CENPP: variants seen among roughly 807,000 people sequenced by gnomAD.
The protein encoded by CENPP is centromere protein P.
Under a neutral mutation model 35.6 loss-of-function variants are expected in CENPP, and 24 were observed. That is an observed-to-expected ratio of 0.67 (90% CI 0.49 to 0.95). CENPP has a LOEUF of 0.95. Ranked by LOEUF, CENPP falls within the 40% of genes least tolerant of loss-of-function variation. The pLI, the probability that CENPP is intolerant of heterozygous loss-of-function variation, is 0.00. For synonymous variants in CENPP, 120 were observed against 125.5 expected (o/e 0.96, Z 0.29); for missense variants, 332 against 345.3 (o/e 0.96, Z 0.31).
At position 92,432,979 on chromosome 9, in the gene CENPP, T is replaced by C. The variant is rs1407197537; in HGVS notation, c.564+53120T>C. Among the ~76,000 whole-genome samples, 4 of 152,332 alleles carry C rather than the reference T, an allele frequency of 2.6e-5. No individual in the cohort carries two copies. The East Asian group carries it at 7.7e-4, about 29-fold the overall frequency. ...AATTTTGGATTTGAATCTTTCATGG[T>C]ATTGATTTATTTTTTCTTCTTTGAC... On this transcript the variant is annotated intron_variant, in intron 5 of 7. Transcript: ENST00000375587.
At chr9:92,438,379 C>T (rs1418851671) in intron 5 of CENPP, among the ~76,000 whole-genome samples, 3 of 152,120 alleles carry the variant, frequency 2.0e-5, no homozygotes, top group African/African-American at 7.2e-5. Context: ...ATTAGTTAAC[C>T]ATAAATGTGC....
At position 92,400,395 on chromosome 9, in the gene CENPP, C is replaced by T. The variant is rs188845385; in HGVS notation, c.564+20536C>T. On this transcript the variant is annotated intron_variant, in intron 5 of 7. Transcript: ENST00000375587. ...TGAACTCCTGACCTCGTGATCCACCCGCCTCAGCCTCCCAAAGTACTGGGA... is the reference window on the plus strand; with the variant it reads ...TGAACTCCTGACCTCGTGATCCACCTGCCTCAGCCTCCCAAAGTACTGGGA... Among the ~76,000 whole-genome samples, 615 of 152,234 alleles carry T rather than the reference C, an allele frequency of 4.0e-3. 2 individuals carry two copies. The highest frequency in any genetic ancestry group is 6.7e-3 in the Admixed American group (103 of 15,284).
chr9:92,487,578 T>G (rs935876217), intron 5 of CENPP, among the ~76,000 whole-genome samples: 1 of 152,162 alleles, frequency 6.6e-6, no homozygotes, highest in Non-Finnish European at 1.5e-5. Context: ...ACCTCCAATA[T>G]AATAATTGAT....
chr9:92,355,505 C>G (rs1841567495), intron 4 of CENPP, among the ~76,000 whole-genome samples: 1 of 152,072 alleles, frequency 6.6e-6, no homozygotes, highest in African/African-American at 2.4e-5. Flanking sequence ...TGGAAGGTTT[C>G]TTTTTGAAGG....
intron 5 of CENPP, among the ~76,000 whole-genome samples, chr9:92,488,516 A>G (rs1846112059): frequency 6.6e-6 from 1 of 152,228 alleles, no homozygotes; most frequent in South Asian, 2.1e-4. Context: ...AGGATCCATT[A>G]TAGCTTTCAC....
chr9:92,393,247 A>G, intron 5 of CENPP: 3 of 1,562,324 alleles, frequency 1.9e-6, no homozygotes, highest in East Asian at 2.3e-5. Context: ...GGGCATTTCT[A>G]AATTGGGAAT....
chr9:92,542,917 T>G (rs552975876), intron 5 of CENPP, among the ~76,000 whole-genome samples: 2 of 152,378 alleles, frequency 1.3e-5, no homozygotes, highest in South Asian at 4.1e-4. Flanking sequence ...GGATCTAACT[T>G]CATTCTTTTA....
intron 5 of CENPP, among the ~76,000 whole-genome samples, chr9:92,448,130 G>A (rs572128572): frequency 6.6e-6 from 1 of 152,246 alleles, no homozygotes; most frequent in South Asian, 2.1e-4. Flanking sequence ...ACCACCCAAG[G>A]GTTTCTTCCA....
At chr9:92,583,382 A>C (rs865808736) in intron 5 of CENPP, among the ~76,000 whole-genome samples, 7 of 152,184 alleles carry the variant, frequency 4.6e-5, no homozygotes, top group Non-Finnish European at 8.8e-5. Context: ...GTATTGTTGG[A>C]CTGCTTTACT....
chr9:92,459,916 T>G, intron 5 of CENPP: 1 of 636,946 alleles, frequency 1.6e-6, no homozygotes, highest in Non-Finnish European at 2.5e-6. Context: ...TTTAATAACC[T>G]ACTTCAGTAT....
chr9:92,601,417 T>G (rs1205024775), intron 5 of CENPP, among the ~76,000 whole-genome samples: 2 of 152,192 alleles, frequency 1.3e-5, no homozygotes, highest in Non-Finnish European at 2.9e-5. Flanking sequence ...GAGCTTCTGG[T>G]GCTGCCGGCG....
At chr9:92,403,746 TG>T in intron 5 of CENPP, 3 of 678,616 alleles carry the variant, frequency 4.4e-6, no homozygotes, top group South Asian at 6.8e-5. Context: ...AATATTTAAT[TG>T]AAATATTCTT....
chr9:92,574,734 A>T (rs1003063377), intron 5 of CENPP, among the ~76,000 whole-genome samples: 3 of 152,214 alleles, frequency 2.0e-5, no homozygotes, highest in African/African-American at 7.2e-5. Flanking sequence ...TAGAATTCAC[A>T]TGGAATCTCA....
At chr9:92,400,234 T>C (rs1421062483) in intron 5 of CENPP, among the ~76,000 whole-genome samples, 4 of 152,192 alleles carry the variant, frequency 2.6e-5, no homozygotes, top group Non-Finnish European at 2.9e-5. Flanking sequence ...CACCGCAACC[T>C]CCACCTCCCA....
chr9:92,582,196 G>A (rs1423193202), intron 5 of CENPP, among the ~76,000 whole-genome samples: 1 of 152,084 alleles, frequency 6.6e-6, no homozygotes. Flanking sequence ...TGAGACTACA[G>A]GCACATGCCA....
At chr9:92,428,026 G>A (rs1027980047) in intron 5 of CENPP, among the ~76,000 whole-genome samples, 1 of 152,148 alleles carries the variant, frequency 6.6e-6, no homozygotes, top group East Asian at 1.9e-4. Context: ...AATCAAGTTT[G>A]TAAGGCAGAT....
At chr9:92,513,143 C>T (rs961741917) in intron 5 of CENPP, among the ~76,000 whole-genome samples, 2 of 152,310 alleles carry the variant, frequency 1.3e-5, no homozygotes, top group Admixed American at 1.3e-4. Context: ...GCTCCTGCTG[C>T]TCCCAGCACC....
intron 4 of CENPP, among the ~76,000 whole-genome samples, chr9:92,351,090 C>T (rs1318804461): frequency 6.6e-6 from 1 of 152,174 alleles, no homozygotes; most frequent in Non-Finnish European, 1.5e-5. Context: ...CTTACAAAAT[C>T]TACCAACTCA....
At chr9:92,511,283 G>A (rs184418651) in intron 5 of CENPP, among the ~76,000 whole-genome samples, 16 of 152,018 alleles carry the variant, frequency 1.1e-4, no homozygotes, top group South Asian at 8.3e-4. Context: ...ATGCCACCAC[G>A]CTCGGCTAAT....
Sources: gnomAD v4.1 joint callset for allele counts (sites outside exome capture counted in the v4.1 genomes callset) on GRCh38, gnomAD v4.1.1 for gene constraint, MANE v1.5 for transcripts, NCBI Gene and HGNC (gene_info 2026-07-23, HGNC 2026-07-21) for gene names.